The following ACYP2 variants were observed in gnomAD, a reference collection of about 807,000 sequenced individuals.
ACYP2 encodes the protein acylphosphatase 2.
ACYP2 carries 12 observed loss-of-function variants against 11.2 expected under a neutral mutation model. The ratio of observed to expected loss-of-function variants is 1.08; its 90% CI spans 0.69 to 1.74. The LOEUF is 1.74. ACYP2 is among the 40% of genes most tolerant of loss of function. The pLI is 0.00. For synonymous variants in ACYP2, 43 were observed against 32.2 expected (o/e 1.33, Z -1.13); for missense variants, 134 against 101.9 (o/e 1.31, Z -1.35).
intron 2 of ACYP2, among the ~76,000 whole-genome samples, chr2:54,050,036 G>A (rs181155805): frequency 2.0e-5 from 3 of 152,244 alleles, no homozygotes; most frequent in African/African-American, 7.2e-5. Flanking sequence ...AAATAAATGC[G>A]TGTATTTCTG....
chr2:54,112,352 C>A (rs956217961), intron 4 of ACYP2, among the ~76,000 whole-genome samples: 5 of 152,150 alleles, frequency 3.3e-5, no homozygotes, highest in African/African-American at 9.7e-5. Flanking sequence ...ACGTGAAGGA[C>A]CTGCATACAT....
intron 6 of ACYP2, among the ~76,000 whole-genome samples, chr2:54,168,254 G>A (rs1275076300): frequency 2.0e-5 from 3 of 151,762 alleles, no homozygotes; most frequent in East Asian, 1.9e-4. Context: ...GTGAAACCAC[G>A]TCTCTACTAA....
chr2:54,200,090 T>C (rs1321851264), intron 6 of ACYP2, among the ~76,000 whole-genome samples: 2 of 152,228 alleles, frequency 1.3e-5, no homozygotes, highest in Non-Finnish European at 2.9e-5. Context: ...GCTTTGCTCA[T>C]TCACATGAAA....
intron 6 of ACYP2, among the ~76,000 whole-genome samples, chr2:54,155,575 G>A (rs1306183600): frequency 2.0e-5 from 3 of 152,122 alleles, no homozygotes; most frequent in African/African-American, 7.2e-5. Context: ...AGGGATACAG[G>A]TTGTTCACTC....
In ACYP2 at chr2:54,048,560, G is replaced by C. The variant is rs1034865342; in HGVS notation, c.63-2398G>C. ...TCTTGCTCTGTCACCCCACTGGAGT[G>C]CAGTATCATAGCTCACTCTAGTGTT... is the stretch of plus-strand genomic sequence containing the variant. On this transcript the variant is annotated intron_variant, in intron 2 of 6. Transcript: ENST00000607452. 2.6e-5 allele frequency among the ~76,000 whole-genome samples: 4 copies of C among 152,142 alleles called. No individual in the cohort carries two copies. The East Asian group carries it at 5.8e-4, about 22-fold the overall frequency.
intron 6 of ACYP2, among the ~76,000 whole-genome samples, chr2:54,165,540 C>T (rs1051070250): frequency 9.5e-5 from 13 of 136,196 alleles, no homozygotes; most frequent in Admixed American, 4.4e-4. Context: ...CTCTCTCACA[C>T]ACACACACAC....
At chr2:54,286,320 C>T (rs1689075720) in intron 6 of ACYP2, among the ~76,000 whole-genome samples, 1 of 152,004 alleles carries the variant, frequency 6.6e-6, no homozygotes, top group African/African-American at 2.4e-5. Flanking sequence ...AATATCAATG[C>T]ATATTGCTAG....
intron 6 of ACYP2, among the ~76,000 whole-genome samples, chr2:54,281,838 A>G (rs1688861155): frequency 6.6e-6 from 1 of 152,230 alleles, no homozygotes. Flanking sequence ...TCCATTACAC[A>G]AATTCAATTT....
At chr2:54,291,669 G>C (rs2104144180) in intron 6 of ACYP2, among the ~76,000 whole-genome samples, 1 of 152,314 alleles carries the variant, frequency 6.6e-6, no homozygotes, top group African/African-American at 2.4e-5. Context: ...CAGTGCCTGA[G>C]GCATCCATTT....
Position 54,057,305 on chromosome 2 carries a change from G to A in ACYP2, c.222G>A (p.Trp74Ter), listed in dbSNP as rs1442824674. ...TCATAATTGTGAGTGAAGAACCATG[G>A]AAGGAGAACATTTCTTGCTCATCAA... The change falls in exon 4 of 7, where the codon TGG becomes TGA. Residue 74 changes from tryptophan (W) to a stop codon, truncating the protein, a stop_gained. Coordinates refer to ENST00000607452, the MANE Select transcript of ACYP2 (RefSeq NM_001320586.2). LOFTEE classifies it high-confidence loss of function. 2.5e-6 allele frequency: 1 copy of A among 397,994 alleles called. No homozygotes were observed. Among genetic ancestry groups the A allele is most frequent in the East Asian group, 3.6e-5 (1 of 27,948 alleles). 24.7% of individuals were successfully genotyped at this position (397,994 alleles called of 1,614,324 possible).
chr2:54,028,167 A>G (rs2104551828), intron 2 of ACYP2, among the ~76,000 whole-genome samples: 1 of 151,650 alleles, frequency 6.6e-6, no homozygotes, highest in East Asian at 1.9e-4. Flanking sequence ...TCTTTGGGCT[A>G]CTCTTGGCTA....
chr2:54,070,930 T>TTTGTTTG (rs748865368), intron 4 of ACYP2, among the ~76,000 whole-genome samples: 1 of 147,094 alleles, frequency 6.8e-6, no homozygotes, highest in African/African-American at 2.5e-5. Flanking sequence ...TTGTTTGTTT[T>TTTGTTTG]TTTCAGAGAC....
At chr2:54,178,987 G>T (rs530585409) in intron 6 of ACYP2, among the ~76,000 whole-genome samples, 6 of 152,126 alleles carry the variant, frequency 3.9e-5, no homozygotes, top group Non-Finnish European at 8.8e-5. Context: ...GGATATCCAA[G>T]ATCAAGGTGC....
intron 6 of ACYP2, among the ~76,000 whole-genome samples, chr2:54,304,406 G>A (rs1427792426): frequency 6.6e-6 from 1 of 152,104 alleles, no homozygotes; most frequent in Admixed American, 6.5e-5. Context: ...AGTGGCCTTG[G>A]AGTGTTTTAA....
At chr2:54,261,869 T>G (rs1687794991) in intron 6 of ACYP2, among the ~76,000 whole-genome samples, 1 of 152,232 alleles carries the variant, frequency 6.6e-6, no homozygotes, top group African/African-American at 2.4e-5. Flanking sequence ...TTTATCAAAC[T>G]GTTTGTGAAG....
chr2:54,126,954 C>CAA (rs144107260), intron 4 of ACYP2, among the ~76,000 whole-genome samples: 23,387 of 123,090 alleles, frequency 0.19, 1,978 homozygotes, highest in East Asian at 0.23. Flanking sequence ...AACTCCGTCT[C>CAA]AAAAAAAAAA....
intron 6 of ACYP2, among the ~76,000 whole-genome samples, chr2:54,284,487 G>T (rs1026876512): frequency 6.6e-6 from 1 of 152,048 alleles, no homozygotes; most frequent in Non-Finnish European, 1.5e-5. Flanking sequence ...TCTCCTGTGT[G>T]TCTCCACGTG....
chr2:53,991,744 G>C (rs181183347), intron 2 of ACYP2, among the ~76,000 whole-genome samples: 59 of 151,892 alleles, frequency 3.9e-4, no homozygotes, highest in African/African-American at 1.4e-3. Flanking sequence ...CATTCACCCT[G>C]CTCCAGGCAC....
At position 54,055,433 on chromosome 2, in the gene ACYP2, A is replaced by G. The variant is rs143539960; in HGVS notation, c.156-1806A>G. On this transcript the variant is annotated intron_variant, in intron 3 of 6. Coordinates refer to ENST00000607452, the MANE Select transcript of ACYP2 (RefSeq NM_001320586.2). ...ATTACTCACAGTAATAATTGTGATA[A>G]TAATGTAAACAATTTGTATTTATAT... is the stretch of plus-strand genomic sequence containing the variant. Among the ~76,000 whole-genome samples, 9 of 152,346 alleles carry G rather than the reference A, an allele frequency of 5.9e-5. No homozygotes were observed. The East Asian group carries it at 1.5e-3, about 26-fold the overall frequency.
Sources: allele counts gnomAD v4.1 joint callset (sites outside exome capture counted in the v4.1 genomes callset), GRCh38; gene constraint gnomAD v4.1.1; transcripts MANE v1.5; gene names NCBI Gene and HGNC (gene_info 2026-07-23, HGNC 2026-07-21).